Variants in RAB11FIP3 observed in about 807,000 individuals in gnomAD.
RAB11FIP3 encodes rab11 family-interacting protein 3.
Under a neutral mutation model 77.8 loss-of-function variants are expected in RAB11FIP3, and 17 were observed. The observed-to-expected ratio is 0.22, with a 90% CI of 0.15 to 0.33. RAB11FIP3 has a LOEUF of 0.33. Ranked by LOEUF, RAB11FIP3 falls within the 10% of genes least tolerant of loss-of-function variation. The pLI is 1.00. For synonymous variants in RAB11FIP3, 437 were observed against 448.2 expected, an observed-to-expected ratio of 0.98 and a Z score of 0.31; for missense variants, 1,005 against 1,011.2, an observed-to-expected ratio of 0.99 and a Z score of 0.08.
At position 461,624 on chromosome 16, in the gene RAB11FIP3, A is replaced by G. The variant is rs2055607581; in HGVS notation, c.808+127A>G. On this transcript the variant is annotated intron_variant, in intron 2 of 13. Coordinates refer to ENST00000262305, the MANE Select transcript of RAB11FIP3 (RefSeq NM_014700.4). This position sits in a 1 kb window ranked among gnomAD's most constrained non-coding sequence, Gnocchi z 4.5. Reference sequence around the variant, plus strand: ...TTTCCTTCTCCTTGAAGCCCCCAACATACCCCAGGTTTCCAGGTGGTCTCT... The same window carrying G: ...TTTCCTTCTCCTTGAAGCCCCCAACGTACCCCAGGTTTCCAGGTGGTCTCT... The G allele has an allele frequency of 1.4e-6, 1 of 695,444 alleles. No homozygotes were observed. Among genetic ancestry groups the G allele is most frequent in the Admixed American group, 2.9e-5 (1 of 34,990 alleles). 43.1% of individuals were successfully genotyped at this position (695,444 alleles called of 1,614,324 possible).
intron 1 of RAB11FIP3, among the ~76,000 whole-genome samples, chr16:446,868 T>C (rs2055325930): frequency 6.6e-6 from 1 of 151,998 alleles, no homozygotes. Context: ...GCCCAGCTAA[T>C]TTTTGTATTT....
intron 3 of RAB11FIP3, among the ~76,000 whole-genome samples, chr16:476,318 C>T (rs1157418800): frequency 6.6e-6 from 1 of 152,206 alleles, no homozygotes; most frequent in Non-Finnish European, 1.5e-5. Flanking sequence ...CATCCCAAAC[C>T]ATCCTGTCTA....
At chr16:436,250 A>G (rs2055125650) in intron 1 of RAB11FIP3, among the ~76,000 whole-genome samples, 1 of 152,146 alleles carries the variant, frequency 6.6e-6, no homozygotes, top group Admixed American at 6.6e-5. Flanking sequence ...CGGAGGTTAC[A>G]GTGAGCCAAG....
chr16:488,328 C>T lies in RAB11FIP3; in HGVS notation c.1116-523C>T, dbSNP rs71382279. Among the ~76,000 whole-genome samples, 19 of 152,068 alleles carry T rather than the reference C, an allele frequency of 1.2e-4. 1 individual carries two copies. The highest frequency in any genetic ancestry group is 3.4e-3 in the Middle Eastern group (1 of 294). On this transcript the variant is annotated intron_variant, in intron 4 of 13. Transcript: ENST00000262305. ...CCGGGAGGCGGAGCTGGCAGTGAGC[C>T]GATATTGCACGACTGCACTCCAGCC...
chr16:456,218 G>A (rs954421379), intron 1 of RAB11FIP3, among the ~76,000 whole-genome samples: 1 of 152,026 alleles, frequency 6.6e-6, no homozygotes, highest in African/African-American at 2.4e-5. Context: ...GGGAGGCCAA[G>A]GTGGGCGGAT....
At chr16:494,251 G>A (rs1004916851) in intron 5 of RAB11FIP3, among the ~76,000 whole-genome samples, 3 of 151,410 alleles carry the variant, frequency 2.0e-5, no homozygotes, top group Non-Finnish European at 4.4e-5. Flanking sequence ...GCCCTGAAAG[G>A]TCAGTAGGTA....
At chr16:508,197 C>A (rs1035684340) in intron 8 of RAB11FIP3, among the ~76,000 whole-genome samples, 3 of 152,178 alleles carry the variant, frequency 2.0e-5, no homozygotes, top group East Asian at 1.9e-4. Flanking sequence ...GGTCAGAGAT[C>A]GAATTCCCTG....
intron 3 of RAB11FIP3, among the ~76,000 whole-genome samples, chr16:474,533 G>A (rs1387432846): frequency 6.6e-6 from 1 of 152,114 alleles, no homozygotes; most frequent in African/African-American, 2.4e-5. Context: ...GAGCCCAGGG[G>A]GTGGTGGGGC....
intron 3 of RAB11FIP3, among the ~76,000 whole-genome samples, chr16:473,098 C>G (rs868375022): frequency 6.6e-6 from 1 of 152,168 alleles, no homozygotes; most frequent in Non-Finnish European, 1.5e-5. Context: ...TGTTTCTTCA[C>G]GCCCCGTGGT....
At chr16:508,145 C>T (rs1400217694) in intron 8 of RAB11FIP3, among the ~76,000 whole-genome samples, 1 of 152,196 alleles carries the variant, frequency 6.6e-6, no homozygotes, top group Non-Finnish European at 1.5e-5. Flanking sequence ...TTTTTCCTCC[C>T]ACCCTGCTCC....
At chr16:433,707 T>G (rs2055079564) in intron 1 of RAB11FIP3, among the ~76,000 whole-genome samples, 1 of 150,362 alleles carries the variant, frequency 6.7e-6, no homozygotes, top group East Asian at 2.0e-4. Flanking sequence ...AAAAAAAAAA[T>G]TAGCTGGGTG....
intron 9 of RAB11FIP3, among the ~76,000 whole-genome samples, chr16:517,081 T>C (rs1249662253): frequency 6.6e-6 from 1 of 152,088 alleles, no homozygotes; most frequent in African/African-American, 2.4e-5. Context: ...CCTGATACGG[T>C]GTGACGGGAA....
intron 7 of RAB11FIP3, 109 bp downstream of exon 7, chr16:503,206 A>C: frequency 1.2e-6 from 1 of 809,758 alleles, no homozygotes; most frequent in Non-Finnish European, 1.9e-6. Context: ...GCCGGAGGTG[A>C]CCCCATGTCC....
chr16:519,185 C>T lies in RAB11FIP3; in HGVS notation c.1722+161C>T, dbSNP rs576532173. 638 of 691,796 alleles carry T rather than the reference C, an allele frequency of 9.2e-4. 1 individual carries two copies. Among genetic ancestry groups the T allele is most frequent in the Non-Finnish European group, 1.3e-3 (534 of 412,588 alleles). 42.9% of individuals were successfully genotyped at this position (691,796 alleles called of 1,614,324 possible). On this transcript the variant is annotated intron_variant, in intron 10 of 13. Coordinates refer to ENST00000262305, the MANE Select transcript of RAB11FIP3 (RefSeq NM_014700.4). ...CCCAGGCCGCTGGAAGACACTGGAC[C>T]GTGCTCCACCCACAGGAGCAGGGCC...
chr16:456,787 A>C (rs1312165618), intron 1 of RAB11FIP3, among the ~76,000 whole-genome samples: 1 of 152,112 alleles, frequency 6.6e-6, no homozygotes, highest in Non-Finnish European at 1.5e-5. Context: ...ACAAAAAAAC[A>C]ACAACAAATC....
rs575588617 is a variant in RAB11FIP3 at position 517,807 on chromosome 16, G to A, written c.1641-1136G>A. Among the ~76,000 whole-genome samples, 154 of 152,274 alleles carry A rather than the reference G, an allele frequency of 1.0e-3. 1 individual carries two copies. The highest frequency in any genetic ancestry group is 3.6e-3 in the African/African-American group (149 of 41,558). ...CTTTTTGATACAGGATCTTGGCCGG[G>A]CGCGGTGGCTCACGCCTGTAATCCC... On this transcript the variant is annotated intron_variant, in intron 9 of 13. Coordinates refer to ENST00000262305, the MANE Select transcript of RAB11FIP3 (RefSeq NM_014700.4).
Position 495,267 on chromosome 16 carries a change from C to G in RAB11FIP3, c.1266-1557C>G, listed in dbSNP as rs367983091. ...AGCAGGCACAGGAGCAGCCGCCACC[C>G]AGGGCCGGGGCAGAGCCCCCCAGCT... On this transcript the variant is annotated intron_variant, in intron 5 of 13. Coordinates refer to ENST00000262305, the MANE Select transcript of RAB11FIP3 (RefSeq NM_014700.4). Among the ~76,000 whole-genome samples, 106 of 152,310 alleles carry G rather than the reference C, an allele frequency of 7.0e-4. 1 individual carries two copies. Among genetic ancestry groups the G allele is most frequent in the South Asian group, 6.8e-3 (33 of 4,828 alleles).
At chr16:520,422 G>T in intron 12 of RAB11FIP3, 37 bp from the exon 13 acceptor site, 1 of 1,608,690 alleles carries the variant, frequency 6.2e-7, no homozygotes. Flanking sequence ...CCACCAGCAG[G>T]GGCCACAGCC....
intron 2 of RAB11FIP3, among the ~76,000 whole-genome samples, chr16:462,450 G>T (rs2055623690): frequency 6.6e-6 from 1 of 152,098 alleles, no homozygotes; most frequent in African/African-American, 2.4e-5. Context: ...GGCGGGGCTG[G>T]TCTTGAACTC....
Sources: allele counts gnomAD v4.1 joint callset (sites outside exome capture counted in the v4.1 genomes callset), GRCh38; gene constraint gnomAD v4.1.1; non-coding constraint Gnocchi (gnomAD v3.1); transcripts MANE v1.5; gene names NCBI Gene and HGNC (gene_info 2026-07-23, HGNC 2026-07-21).